TCF4: variants seen among roughly 807,000 people sequenced by gnomAD.
TCF4 encodes SL3-3 enhancer factor 2.
A neutral mutation model predicts 82.1 loss-of-function variants in TCF4; 3 were observed. The observed-to-expected ratio is 0.04, with a 90% CI of 0.02 to 0.09. The LOEUF (loss-of-function observed/expected upper bound fraction) is 0.09, where lower values mean the gene tolerates loss of function less well. TCF4 is among the 10% of genes least tolerant of loss of function. The pLI is 1.00. For synonymous variants in TCF4, 276 were observed against 309.6 expected (o/e 0.89, Z 1.14); for missense variants, 518 against 852.7 (o/e 0.61, Z 4.89).
rs1356068469 is a variant in TCF4 at position 55,628,119 on chromosome 18, TGAG to T, written c.286+3176_286+3178del. Among the ~76,000 whole-genome samples, 5 of 152,314 alleles carry T rather than the reference TGAG, an allele frequency of 3.3e-5. No homozygotes were observed. The East Asian group carries it at 9.7e-4, about 29-fold the overall frequency. On this transcript the variant is annotated intron_variant, in intron 2 of 20. Coordinates refer to the TCF4 transcript ENST00000398339. ...GGACATTCAAGCCACTAGTTTTTAATGAGGATCATTTCAAGGCTGACAACTACC... is the reference window on the plus strand; with the variant it reads ...GGACATTCAAGCCACTAGTTTTTAATGATCATTTCAAGGCTGACAACTACC...
At chr18:55,337,409 C>G (rs966404371) in intron 8 of TCF4, among the ~76,000 whole-genome samples, 3 of 152,160 alleles carry the variant, frequency 2.0e-5, no homozygotes, top group Non-Finnish European at 4.4e-5. Flanking sequence ...ACAATTCGCT[C>G]AAGATGGCAA....
intron 17 of TCF4, chr18:55,232,120 G>A (rs1599485869): frequency 5.1e-6 from 1 of 197,626 alleles, no homozygotes; most frequent in East Asian, 1.3e-4. Context: ...TTAGAGGTAA[G>A]AAAAGAGTTA....
intron 3 of TCF4, among the ~76,000 whole-genome samples, chr18:55,578,022 A>C (rs1358682335): frequency 6.6e-6 from 1 of 152,146 alleles, no homozygotes; most frequent in Non-Finnish European, 1.5e-5. Context: ...GTCATCCGTT[A>C]CAGAAAAAAG....
intron 8 of TCF4, among the ~76,000 whole-genome samples, chr18:55,307,215 A>T (rs900731540): frequency 6.6e-6 from 1 of 152,256 alleles, no homozygotes; most frequent in African/African-American, 2.4e-5. Flanking sequence ...AGATATAAGA[A>T]AACACTGCTT....
At chr18:55,598,879 A>G (rs1195089276) in intron 2 of TCF4, among the ~76,000 whole-genome samples, 1 of 152,218 alleles carries the variant, frequency 6.6e-6, no homozygotes, top group Non-Finnish European at 1.5e-5. Flanking sequence ...TAACTCCCTC[A>G]TGATACCAAG....
intron 3 of TCF4, among the ~76,000 whole-genome samples, chr18:55,559,298 G>A (rs2097334659): frequency 6.6e-6 from 1 of 151,894 alleles, no homozygotes; most frequent in African/African-American, 2.4e-5. Context: ...ATGATATAAT[G>A]GAGCAGAACA....
At chr18:55,382,820 T>C (rs1308118508) in intron 6 of TCF4, among the ~76,000 whole-genome samples, 1 of 152,244 alleles carries the variant, frequency 6.6e-6, no homozygotes, top group Non-Finnish European at 1.5e-5. Flanking sequence ...GTATGTTAAA[T>C]ATTTGTGATA....
In TCF4 at chr18:55,272,581, T is replaced by C. The variant is rs376171534; in HGVS notation, c.790-2618A>G. ...TTTCCATTACTGATATACTGGTTGA[T>C]AATTCAAACATTAGAAAAATATAAT... On this transcript the variant is annotated intron_variant, in intron 10 of 19. Coordinates refer to ENST00000354452, the MANE Select transcript of TCF4 (RefSeq NM_001083962.2). Among the ~76,000 whole-genome samples the C allele has an allele frequency of 1.4e-4, 21 of 152,268 alleles. No homozygotes were observed. The South Asian group carries it at 2.1e-3, about 15-fold the overall frequency.
At chr18:55,260,150 A>C in intron 12 of TCF4, 123 bp from the exon 13 acceptor site, 1 of 736,568 alleles carries the variant, frequency 1.4e-6, no homozygotes, top group South Asian at 1.5e-5. Context: ...ACATGTAATA[A>C]TCAACTACAG....
intron 6 of TCF4, among the ~76,000 whole-genome samples, chr18:55,355,897 A>G (rs936271816): frequency 6.6e-6 from 1 of 152,324 alleles, no homozygotes; most frequent in East Asian, 1.9e-4. Flanking sequence ...ACAAGTCAGA[A>G]GTAGAAGTCA....
chr18:55,516,026 T>C (rs891286085), intron 3 of TCF4, among the ~76,000 whole-genome samples: 4 of 152,112 alleles, frequency 2.6e-5, no homozygotes, highest in South Asian at 4.1e-4. Flanking sequence ...AAAAGTCAGA[T>C]TGGGTTTAAA....
At chr18:55,492,220 T>G (rs2096584238) in intron 3 of TCF4, 1 of 152,116 alleles carries the variant, frequency 6.6e-6, no homozygotes, top group Non-Finnish European at 1.5e-5. Context: ...GAAACCAAGG[T>G]CCAAGTAAGT....
intron 2 of TCF4, chr18:55,595,981 C>T (rs2097690479): frequency 3.3e-6 from 1 of 302,812 alleles, no homozygotes; most frequent in African/African-American, 2.3e-5. Context: ...CTCTGTAATC[C>T]CAGCACTTTG....
intron 2 of TCF4, among the ~76,000 whole-genome samples, chr18:55,616,562 C>T (rs552953136): frequency 1.3e-5 from 2 of 152,194 alleles, no homozygotes; most frequent in South Asian, 4.1e-4. Context: ...AGCAGCTGCA[C>T]CATTTTACCA....
At chr18:55,580,742 ATGTGTGTGTGTGTGTG>A (rs5825144) in intron 3 of TCF4, among the ~76,000 whole-genome samples, 3 of 145,282 alleles carry the variant, frequency 2.1e-5, no homozygotes, top group Non-Finnish European at 3.0e-5. Context: ...GAGCTGTCTG[ATGTGTGTGTGTGTGTG>A]TGTGTGTGTG....
chr18:55,222,468 T>A lies in TCF4; in HGVS notation c.*5567A>T. 6.8e-6 allele frequency: 1 copy of A among 146,744 alleles called. No homozygotes were observed. Among genetic ancestry groups the A allele is most frequent in the African/African-American group, 2.5e-5 (1 of 39,832 alleles). The allele number at this position is 146,744 out of a possible 1,614,324, so 9.1% of individuals were successfully genotyped here. A position where few individuals can be genotyped will look rare whatever the true frequency, so the allele number is the denominator to read the frequency against. On this transcript the variant is annotated 3_prime_UTR_variant, in exon 20 of 20. Coordinates refer to ENST00000354452, the MANE Select transcript of TCF4 (RefSeq NM_001083962.2). ...ATAAAATTTAAATATCTGCAAACAG[T>A]CCAACCAAAAACGAAAAAAAAAAAA...
intron 3 of TCF4, among the ~76,000 whole-genome samples, chr18:55,576,694 T>A (rs1244099750): frequency 6.6e-6 from 1 of 152,180 alleles, no homozygotes; most frequent in Non-Finnish European, 1.5e-5. Context: ...AATTTCCCCA[T>A]GAAAGAAATA....
intron 3 of TCF4, among the ~76,000 whole-genome samples, chr18:55,466,182 C>T (rs538575564): frequency 1.3e-5 from 2 of 152,082 alleles, no homozygotes; most frequent in Admixed American, 6.6e-5. Context: ...CATAATTGCA[C>T]AAAACAGCTC....
At chr18:55,321,958 C>T in intron 8 of TCF4, 1 of 1,336,464 alleles carries the variant, frequency 7.5e-7, no homozygotes, top group Non-Finnish European at 9.6e-7. Context: ...GGAAGGCAGC[C>T]CGGCCCTGAT....
Sources: allele counts gnomAD v4.1 joint callset (sites outside exome capture counted in the v4.1 genomes callset), GRCh38; gene constraint gnomAD v4.1.1; transcripts MANE v1.5; gene names NCBI Gene and HGNC (gene_info 2026-07-23, HGNC 2026-07-21).